The following OLAH variants were observed in gnomAD, a reference collection of about 807,000 sequenced individuals.
The protein encoded by OLAH is oleoyl-ACP hydrolase.
A neutral mutation model predicts 27.8 loss-of-function variants in OLAH; 33 were observed. That is an observed-to-expected ratio of 1.19 (90% CI 0.90 to 1.59). The LOEUF (loss-of-function observed/expected upper bound fraction) is 1.59, where lower values mean the gene tolerates loss of function less well. OLAH is among the 40% of genes most tolerant of loss of function. The probability of loss-of-function intolerance (pLI) is 0.00; values close to 1 mark genes in which losing one functional copy is unlikely to be tolerated. For synonymous variants in OLAH, 120 were observed against 102.9 expected (o/e 1.17, Z -1.01); for missense variants, 359 against 310.8 (o/e 1.16, Z -1.17).
chr10:15,047,961 G>C (rs1326941972), intron 2 of OLAH, among the ~76,000 whole-genome samples: 1 of 152,130 alleles, frequency 6.6e-6, no homozygotes, highest in East Asian at 1.9e-4. Context: ...TTGGATGTTT[G>C]TAGAGATCAA....
At chr10:15,042,912 G>C (rs987456553), upstream of OLAH, among the ~76,000 whole-genome samples, 1 of 136,494 alleles carries the variant, frequency 7.3e-6, no homozygotes, top group Non-Finnish European at 1.5e-5. Flanking sequence ...CCAGGCTGGA[G>C]TGCAGTGGCG....
At chr10:15,039,650 A>G (rs1843891988), upstream of OLAH, among the ~76,000 whole-genome samples, 1 of 152,190 alleles carries the variant, frequency 6.6e-6, no homozygotes, top group South Asian at 2.1e-4. Flanking sequence ...CCATGATTGT[A>G]TCTTTACTCA....
At chr10:15,049,967 C>G (rs1350234818) in intron 3 of OLAH, among the ~76,000 whole-genome samples, 1 of 152,186 alleles carries the variant, frequency 6.6e-6, no homozygotes, top group Non-Finnish European at 1.5e-5. Flanking sequence ...CTAGAAGGAC[C>G]TTTTAGGAGA....
In OLAH at chr10:15,049,660, T is replaced by C. The variant is rs1168382909; in HGVS notation, c.58T>C (p.Tyr20His). The C allele has an allele frequency of 1.2e-6, 2 of 1,600,572 alleles. No individual in the cohort carries two copies. Among genetic ancestry groups the C allele is most frequent in the Admixed American group, 1.8e-5 (1 of 55,248 alleles). Residue 20 changes from tyrosine to histidine, a missense_variant, in exon 3 of 8, where the codon TAC (tyrosine) becomes CAC (histidine). Coordinates refer to ENST00000378228, the MANE Select transcript of OLAH (RefSeq NM_001039702.3). ...TRNENIFNCL[Y>H]KNPEATFKLI... The stretch of plus-strand genomic sequence containing the variant: ...GAATGAAAACATTTTCAACTGCTTA[T>C]ACAAAAACCCTGAGGCAACTTTTAA...
At chr10:15,042,911 A>G (rs1242365416), upstream of OLAH, among the ~76,000 whole-genome samples, 1 of 117,856 alleles carries the variant, frequency 8.5e-6, no homozygotes, top group East Asian at 3.0e-4. Flanking sequence ...CCCAGGCTGG[A>G]GTGCAGTGGC....
chr10:15,040,698 CAT>C (rs1343518317), upstream of OLAH, among the ~76,000 whole-genome samples: 1 of 152,140 alleles, frequency 6.6e-6, no homozygotes, highest in East Asian at 1.9e-4. Context: ...GTTCATTCCA[CAT>C]GATAGGAATT....
chr10:15,043,062 A>T (rs189011198), upstream of OLAH, among the ~76,000 whole-genome samples: 3 of 151,796 alleles, frequency 2.0e-5, no homozygotes, highest in Non-Finnish European at 4.4e-5. Context: ...GGGTTTCACC[A>T]TGTTAGCCAG....
At chr10:15,043,609 G>C (rs559768362), upstream of OLAH, among the ~76,000 whole-genome samples, 4 of 151,824 alleles carry the variant, frequency 2.6e-5, no homozygotes, top group East Asian at 7.8e-4. Flanking sequence ...TCAGTAGCAG[G>C]TGCCTACCAC....
At chr10:15,069,141 G>A (rs1844529082) in intron 6 of OLAH, among the ~76,000 whole-genome samples, 1 of 152,116 alleles carries the variant, frequency 6.6e-6, no homozygotes. Flanking sequence ...ATTCTAGGTA[G>A]CGTCCCCGTG....
At chr10:15,054,039 ATT>A (rs34022567) in intron 3 of OLAH, among the ~76,000 whole-genome samples, 18 of 129,106 alleles carry the variant, frequency 1.4e-4, no homozygotes, top group African/African-American at 2.0e-4. Context: ...CCTCTTAAGC[ATT>A]TTTTTTTTTT....
At chr10:15,073,033 G>A (rs1844622216) in intron 7 of OLAH, 54 bp from the exon 8 acceptor site, 6 of 1,550,142 alleles carry the variant, frequency 3.9e-6, no homozygotes, top group Non-Finnish European at 3.5e-6. Context: ...GTCTTGATGT[G>A]AATCTTTAGT....
chr10:15,055,095 G>A (rs1844221333), intron 3 of OLAH, among the ~76,000 whole-genome samples: 1 of 152,078 alleles, frequency 6.6e-6, no homozygotes, highest in South Asian at 2.1e-4. Flanking sequence ...CTCCCAAGTA[G>A]GTGGGATTAC....
chr10:15,034,864 C>A (rs1467605743), intron 1 of OLAH, among the ~76,000 whole-genome samples: 1 of 148,790 alleles, frequency 6.7e-6, no homozygotes, highest in East Asian at 2.0e-4. Flanking sequence ...TGCAGTGGCA[C>A]GATCTCGGCT....
At position 15,071,909 on chromosome 10, in the gene OLAH, T is replaced by C. The variant is rs772738873; in HGVS notation, c.655+32T>C. On this transcript the variant is annotated intron_variant, in intron 7 of 7. Transcript: ENST00000378228. ...TTATTTTTAGTCTCGAGTATTGTAT[T>C]GAAATATATGTTTGATGGCTTTAAA... 4.4e-5 allele frequency: 66 copies of C among 1,500,452 alleles called. No individual in the cohort carries two copies. In the South Asian group the frequency reaches 6.7e-4, roughly 15 times the overall value. 92.9% of individuals were successfully genotyped at this position (1,500,452 alleles called of 1,614,324 possible).
At chr10:15,044,591 G>A (rs368668943) in intron 1 of OLAH, among the ~76,000 whole-genome samples, 2 of 151,564 alleles carry the variant, frequency 1.3e-5, no homozygotes, top group East Asian at 3.9e-4. Flanking sequence ...TTTACTTTCT[G>A]CTCAAAGTAT....
At chr10:15,045,622 G>C (rs1022582674) in intron 1 of OLAH, among the ~76,000 whole-genome samples, 4 of 152,092 alleles carry the variant, frequency 2.6e-5, no homozygotes, top group Non-Finnish European at 5.9e-5. Flanking sequence ...ACATCTTTCT[G>C]TTCCTAAAAA....
rs374889082 is a variant in OLAH, at chr10:15,062,266, T to A, written c.302+404T>A. On this transcript the variant is annotated intron_variant, in intron 4 of 7. Coordinates refer to ENST00000378228, the MANE Select transcript of OLAH (RefSeq NM_001039702.3). ...TTAGGCTTCTGAGTTAGTTCCTTTTTCTATAAGGGTACAATAACAATAGTT... is the reference window on the plus strand; with the variant it reads ...TTAGGCTTCTGAGTTAGTTCCTTTTACTATAAGGGTACAATAACAATAGTT... 2.1e-4 allele frequency among the ~76,000 whole-genome samples: 32 copies of A among 152,272 alleles called. No homozygotes were observed. The East Asian group carries it at 3.1e-3, about 15-fold the overall frequency.
chr10:15,065,826 C>A, intron 6 of OLAH, 73 bp downstream of exon 6: 1 of 1,390,566 alleles, frequency 7.2e-7, no homozygotes, highest in Non-Finnish European at 9.8e-7. Context: ...TGGCAGTGCT[C>A]TGAGGTTGCT....
intron 2 of OLAH, among the ~76,000 whole-genome samples, chr10:15,047,939 T>C (rs1165925992): frequency 6.6e-6 from 1 of 152,098 alleles, no homozygotes; most frequent in African/African-American, 2.4e-5. Flanking sequence ...AAGATATCAG[T>C]TGGTGTTAGT....
Sources: gnomAD v4.1 joint callset for allele counts (sites outside exome capture counted in the v4.1 genomes callset) on GRCh38, gnomAD v4.1.1 for gene constraint, MANE v1.5 for transcripts, NCBI Gene and HGNC (gene_info 2026-07-23, HGNC 2026-07-21) for gene names.